SHISA9: variants seen among roughly 807,000 people sequenced by gnomAD.
SHISA9 encodes shisa family member 9.
SHISA9 carries 13 observed loss-of-function variants against 38.0 expected under a neutral mutation model. That is an observed-to-expected ratio of 0.34 (90% CI 0.22 to 0.54). The LOEUF (loss-of-function observed/expected upper bound fraction) is 0.54, where lower values mean the gene tolerates loss of function less well. Ranked by LOEUF, SHISA9 falls within the 20% of genes least tolerant of loss-of-function variation. The pLI is 0.91. For synonymous variants in SHISA9, 275 were observed against 242.0 expected (o/e 1.14, Z -1.27); for missense variants, 538 against 575.8 (o/e 0.93, Z 0.67).
chr16:13,482,816 A>G, the SHISA9 span, among the ~76,000 whole-genome samples: 28 of 148,932 alleles, frequency 1.9e-4, no homozygotes, highest in African/African-American at 3.0e-4. Flanking sequence ...AAAAAAAAAA[A>G]AGAGAGAGAG....
the SHISA9 span, among the ~76,000 whole-genome samples, chr16:13,252,970 C>T: frequency 5.3e-5 from 8 of 152,194 alleles, no homozygotes; most frequent in African/African-American, 1.4e-4. Context: ...AACTCCTCTT[C>T]TCACTCCTCT....
intron 2 of SHISA9, among the ~76,000 whole-genome samples, chr16:12,959,865 G>A (rs1460480643): frequency 6.6e-6 from 1 of 152,114 alleles, no homozygotes; most frequent in African/African-American, 2.4e-5. Flanking sequence ...TGAGTTTGGG[G>A]GAGGAACATA....
chr16:12,914,289 C>T (rs981521995), intron 1 of SHISA9, among the ~76,000 whole-genome samples: 1 of 151,954 alleles, frequency 6.6e-6, no homozygotes, highest in Non-Finnish European at 1.5e-5. Context: ...CGTGATCTGC[C>T]CACCTCGGCC....
chr16:13,063,895 C>G (rs1274031494), intron 2 of SHISA9, among the ~76,000 whole-genome samples: 1 of 152,186 alleles, frequency 6.6e-6, no homozygotes, highest in Admixed American at 6.5e-5. Flanking sequence ...GACAGCCAGG[C>G]TGGGCTCTTG....
intron 2 of SHISA9, among the ~76,000 whole-genome samples, chr16:13,038,008 G>T (rs1011696059): frequency 6.6e-6 from 1 of 152,184 alleles, no homozygotes; most frequent in East Asian, 1.9e-4. Flanking sequence ...TTCTTTGTTT[G>T]GAGACAGGGC....
At chr16:13,243,721 A>T (rs2051451634), downstream of SHISA9, among the ~76,000 whole-genome samples, 1 of 150,878 alleles carries the variant, frequency 6.6e-6, no homozygotes, top group South Asian at 2.1e-4. Flanking sequence ...TCATGGCCTG[A>T]ACCAGTGTTT....
At chr16:12,909,705 GAC>G (rs1301742831) in intron 1 of SHISA9, 1 of 506,578 alleles carries the variant, frequency 2.0e-6, no homozygotes, top group Non-Finnish European at 2.5e-6. Flanking sequence ...ACCCCAGCCT[GAC>G]ACACTCCAGC....
At chr16:13,272,868 C>T in the SHISA9 span, among the ~76,000 whole-genome samples, 1 of 152,172 alleles carries the variant, frequency 6.6e-6, no homozygotes, top group Non-Finnish European at 1.5e-5. Context: ...CTATATTGAA[C>T]AGATTTTTTT....
chr16:13,263,686 A>G, the SHISA9 span, among the ~76,000 whole-genome samples: 2 of 152,214 alleles, frequency 1.3e-5, no homozygotes, highest in South Asian at 2.1e-4. Flanking sequence ...AGACTAATAC[A>G]GTCAGGGACA....
chr16:13,396,220 C>G, the SHISA9 span, among the ~76,000 whole-genome samples: 1 of 152,152 alleles, frequency 6.6e-6, no homozygotes, highest in Non-Finnish European at 1.5e-5. Context: ...CAAACTAAAT[C>G]AATCGGCCGG....
chr16:12,987,206 C>A (rs767917801), intron 2 of SHISA9, among the ~76,000 whole-genome samples: 34 of 152,086 alleles, frequency 2.2e-4, no homozygotes, highest in Non-Finnish European at 4.0e-4. Flanking sequence ...TAGATCTATA[C>A]CAAGTTTGCA....
chr16:13,506,954 G>A, the SHISA9 span, among the ~76,000 whole-genome samples: 139 of 152,096 alleles, frequency 9.1e-4, 1 homozygote, highest in Non-Finnish European at 1.3e-3. Context: ...GAAGCAGGAG[G>A]ATCACTTGAG....
intron 3 of SHISA9, 36 bp from the exon 4 acceptor site, chr16:13,213,217 C>T: frequency 6.5e-7 from 1 of 1,547,318 alleles, no homozygotes; most frequent in Non-Finnish European, 8.7e-7. Flanking sequence ...GCCCTGCAAA[C>T]AGATCATCAG....
At chr16:13,407,020 A>G in the SHISA9 span, among the ~76,000 whole-genome samples, 1 of 136,892 alleles carries the variant, frequency 7.3e-6, no homozygotes, top group Non-Finnish European at 1.5e-5. Flanking sequence ...GTGAGCTGAG[A>G]TCGTGCCATT....
the SHISA9 span, among the ~76,000 whole-genome samples, chr16:13,539,937 T>TC: frequency 6.6e-6 from 1 of 151,810 alleles, no homozygotes; most frequent in African/African-American, 2.4e-5. Context: ...CTACTCTTTT[T>TC]TATGGCTGTA....
the SHISA9 span, among the ~76,000 whole-genome samples, chr16:13,401,344 C>T: frequency 3.3e-5 from 5 of 152,172 alleles, no homozygotes; most frequent in Non-Finnish European, 7.3e-5. Context: ...ATTTAAACTG[C>T]CAGTCTGACT....
chr16:13,294,878 C>G, the SHISA9 span, among the ~76,000 whole-genome samples: 1 of 152,142 alleles, frequency 6.6e-6, no homozygotes, highest in Non-Finnish European at 1.5e-5. Context: ...GAAAGCACGT[C>G]CAGAGTTAAT....
rs1035391226 is a variant in SHISA9, at chr16:13,222,348, A to T, written c.895+9048A>T. On this transcript the variant is annotated intron_variant, in intron 4 of 4. Coordinates refer to ENST00000558583, the MANE Select transcript of SHISA9 (RefSeq NM_001145204.3). ...GTCACTCCAGGACCCAGGTTCCTCC[A>T]ACCTTGTTGCACTATGACTCTTACC... Among the ~76,000 whole-genome samples, 3 of 152,142 alleles carry T rather than the reference A, an allele frequency of 2.0e-5. 1 individual carries two copies. The highest frequency in any genetic ancestry group is 2.0e-4 in the Admixed American group (3 of 15,262).
intron 2 of SHISA9, among the ~76,000 whole-genome samples, chr16:13,006,438 A>G (rs1385179640): frequency 2.6e-5 from 4 of 152,168 alleles, no homozygotes; most frequent in Non-Finnish European, 5.9e-5. Flanking sequence ...TGTCTCTCCA[A>G]CTTGTGACTG....
Sources: gnomAD v4.1 joint callset for allele counts (sites outside exome capture counted in the v4.1 genomes callset) on GRCh38, gnomAD v4.1.1 for gene constraint, MANE v1.5 for transcripts, NCBI Gene and HGNC (gene_info 2026-07-23, HGNC 2026-07-21) for gene names.